CSMD1: variants seen among roughly 807,000 people sequenced by gnomAD.
The protein encoded by CSMD1 is CUB and Sushi multiple domains 1, also known as CUB and sushi domain-containing protein 1.
A neutral mutation model predicts 417.5 loss-of-function variants in CSMD1; 213 were observed. The ratio of observed to expected loss-of-function variants is 0.51; its 90% CI spans 0.46 to 0.57. The LOEUF is 0.57. Ranked by LOEUF, CSMD1 falls within the 20% of genes least tolerant of loss-of-function variation. CSMD1 has a pLI of 0.00. For missense variants in CSMD1, 6,923 were observed against 4,529.7 expected (o/e 1.53, Z -15.17); for synonymous variants, 2,862 against 1,736.8 (o/e 1.65, Z -16.11).
intron 1 of CSMD1, among the ~76,000 whole-genome samples, chr8:4,667,007 A>AT (rs1287435326): frequency 4.6e-5 from 7 of 152,136 alleles, no homozygotes; most frequent in African/African-American, 1.7e-4. Context: ...AATATCAATC[A>AT]TTTTGAGTTA....
chr8:3,468,394 C>T (rs1291723399), intron 12 of CSMD1, among the ~76,000 whole-genome samples: 1 of 152,136 alleles, frequency 6.6e-6, no homozygotes, highest in Non-Finnish European at 1.5e-5. Context: ...AGAAGGTTTT[C>T]AGAGACACCA....
intron 23 of CSMD1, among the ~76,000 whole-genome samples, chr8:3,330,604 G>A (rs1220092757): frequency 6.6e-6 from 1 of 152,130 alleles, no homozygotes; most frequent in Non-Finnish European, 1.5e-5. Flanking sequence ...GGAGGGTGGA[G>A]GATGAGAAGA....
At chr8:3,172,561 C>G (rs931147039) in intron 37 of CSMD1, among the ~76,000 whole-genome samples, 2 of 152,142 alleles carry the variant, frequency 1.3e-5, no homozygotes, top group African/African-American at 4.8e-5. Context: ...CTGGTTGTGA[C>G]TCTACTTACA....
At chr8:3,648,091 G>A (rs1316457731) in intron 7 of CSMD1, among the ~76,000 whole-genome samples, 1 of 152,198 alleles carries the variant, frequency 6.6e-6, no homozygotes, top group East Asian at 1.9e-4. Context: ...TGTTCTAGCT[G>A]CAGGAAGGAG....
chr8:4,656,035 T>C (rs970323098), intron 1 of CSMD1, among the ~76,000 whole-genome samples: 4 of 151,876 alleles, frequency 2.6e-5, no homozygotes, highest in African/African-American at 7.3e-5. Flanking sequence ...TGTTGGGAGA[T>C]GAGTAGTGTT....
chr8:3,867,777 T>G (rs1156653007), intron 5 of CSMD1, among the ~76,000 whole-genome samples: 2 of 152,080 alleles, frequency 1.3e-5, no homozygotes, highest in Non-Finnish European at 2.9e-5. Flanking sequence ...CCAGGCAGCT[T>G]CCTGTATATG....
chr8:3,680,430 A>C (rs1402740153), intron 7 of CSMD1, among the ~76,000 whole-genome samples: 1 of 152,240 alleles, frequency 6.6e-6, no homozygotes, highest in Non-Finnish European at 1.5e-5. Context: ...TGAACTAGAA[A>C]ATCTACAAGA....
rs1246127587 is a variant in CSMD1 at position 3,118,464 on chromosome 8, T to C, written c.6365A>G (p.His2122Arg). 7 of 1,613,812 alleles carry C rather than the reference T, an allele frequency of 4.3e-6. No homozygotes were observed. In the Admixed American group the frequency reaches 8.3e-5, roughly 19 times the overall value. ...ECYPGYILIG[H>R]PVLTCQHGIN... ...CCCATGCTGACAAGTGAGGACAGGA[T>C]GGCCTATTAGAATGTACCCAGGATA... is the stretch of plus-strand genomic sequence containing the variant. Residue 2122 changes from histidine (H) to arginine (R), a missense_variant, in exon 42 of 70, where the codon CAT becomes CGT. By Grantham distance (29) the His-to-Arg change is conservative. Transcript: ENST00000635120.
intron 7 of CSMD1, among the ~76,000 whole-genome samples, chr8:3,663,211 G>C (rs879742549): frequency 6.6e-6 from 1 of 152,106 alleles, no homozygotes; most frequent in Non-Finnish European, 1.5e-5. Flanking sequence ...GAACAACAAA[G>C]ATATTTTTAA....
chr8:3,435,430 T>A (rs923368736), intron 12 of CSMD1, among the ~76,000 whole-genome samples: 2 of 152,102 alleles, frequency 1.3e-5, no homozygotes, highest in African/African-American at 2.4e-5. Flanking sequence ...CACCTGTGGA[T>A]GCCTATTGAA....
At chr8:3,103,703 C>T (rs1815919714) in intron 46 of CSMD1, among the ~76,000 whole-genome samples, 1 of 151,348 alleles carries the variant, frequency 6.6e-6, no homozygotes, top group Admixed American at 6.6e-5. Flanking sequence ...TAAATAAGAA[C>T]TTGGTTCATC....
chr8:4,368,836 A>AT (rs1213722316), intron 3 of CSMD1, among the ~76,000 whole-genome samples: 3 of 151,964 alleles, frequency 2.0e-5, no homozygotes, highest in Non-Finnish European at 4.4e-5. Flanking sequence ...AAGTGTCTTT[A>AT]TTTGGGTCTT....
chr8:4,337,188 T>G (rs1800222209), intron 3 of CSMD1, among the ~76,000 whole-genome samples: 1 of 152,104 alleles, frequency 6.6e-6, no homozygotes, highest in Non-Finnish European at 1.5e-5. Context: ...GCAACAGTGT[T>G]ATCTCAAAAG....
At chr8:3,122,883 T>C (rs1817288552) in intron 41 of CSMD1, among the ~76,000 whole-genome samples, 1 of 152,144 alleles carries the variant, frequency 6.6e-6, no homozygotes, top group African/African-American at 2.4e-5. Flanking sequence ...TTATATACAA[T>C]AGTGTTTCTC....
chr8:4,543,102 T>C (rs115745843), intron 2 of CSMD1, among the ~76,000 whole-genome samples: 1 of 152,218 alleles, frequency 6.6e-6, no homozygotes, highest in Non-Finnish European at 1.5e-5. Flanking sequence ...ATCAACATCC[T>C]GCATTAGTGT....
chr8:4,950,114 T>TAAA, intron 1 of CSMD1, among the ~76,000 whole-genome samples: 1 of 152,044 alleles, frequency 6.6e-6, no homozygotes, highest in East Asian at 1.9e-4. Flanking sequence ...AAATGTTTCA[T>TAAA]ATGATAAGAT....
chr8:4,797,410 AAG>A (rs1009937907), intron 1 of CSMD1, among the ~76,000 whole-genome samples: 11 of 152,282 alleles, frequency 7.2e-5, no homozygotes, highest in African/African-American at 2.4e-4. Context: ...GCCACTTCAA[AAG>A]CTGAAAACAG....
intron 3 of CSMD1, among the ~76,000 whole-genome samples, chr8:4,041,482 T>G (rs1427203484): frequency 1.3e-5 from 2 of 152,204 alleles, no homozygotes; most frequent in African/African-American, 4.8e-5. Context: ...AGGATCAAAC[T>G]GTTCCACAAA....
At chr8:3,295,525 G>C (rs1364591451) in intron 25 of CSMD1, among the ~76,000 whole-genome samples, 2 of 152,132 alleles carry the variant, frequency 1.3e-5, no homozygotes, top group Non-Finnish European at 2.9e-5. Context: ...TATTTTCGTA[G>C]TTCCTTACTA....
Sources: gnomAD v4.1 joint callset for allele counts (sites outside exome capture counted in the v4.1 genomes callset) on GRCh38, gnomAD v4.1.1 for gene constraint, MANE v1.5 for transcripts, NCBI Gene and HGNC (gene_info 2026-07-23, HGNC 2026-07-21) for gene names.